The following CDYL2 variants were observed in gnomAD, a reference collection of about 807,000 sequenced individuals.
CDYL2 encodes chromodomain Y like 2.
CDYL2 carries 23 observed loss-of-function variants against 49.4 expected under a neutral mutation model. The ratio of observed to expected loss-of-function variants is 0.47; its 90% CI spans 0.34 to 0.66. The LOEUF (loss-of-function observed/expected upper bound fraction) is 0.66, where lower values mean the gene tolerates loss of function less well. Among genes scored for constraint, CDYL2 ranks in the 30% least tolerant of loss-of-function variants. The pLI is 0.01. For synonymous variants in CDYL2, 360 were observed against 268.8 expected, an observed-to-expected ratio of 1.34 and a Z score of -3.32; for missense variants, 678 against 656.4, an observed-to-expected ratio of 1.03 and a Z score of -0.36.
chr16:80,639,431 A>G (rs537781387), intron 2 of CDYL2, among the ~76,000 whole-genome samples: 2 of 152,374 alleles, frequency 1.3e-5, no homozygotes, highest in Non-Finnish European at 2.9e-5. Context: ...TCAAAGCACC[A>G]AAAATTGGAA....
At chr16:80,736,434 CA>C (rs1324606230) in intron 1 of CDYL2, 1 of 152,172 alleles carries the variant, frequency 6.6e-6, no homozygotes, top group African/African-American at 2.4e-5. Flanking sequence ...CCCTTATGTG[CA>C]ACATGACAGT....
chr16:80,748,442 G>C (rs1906010628), intron 1 of CDYL2, among the ~76,000 whole-genome samples: 1 of 144,818 alleles, frequency 6.9e-6, no homozygotes, highest in African/African-American at 2.6e-5. Context: ...CAGGAGAATG[G>C]CGTGAACCTG....
chr16:80,649,470 C>T (rs1008073214), intron 2 of CDYL2, among the ~76,000 whole-genome samples: 2 of 151,822 alleles, frequency 1.3e-5, no homozygotes, highest in East Asian at 1.9e-4. Flanking sequence ...AAAACACTGA[C>T]GAAAGAAATT....
At chr16:80,718,130 C>G (rs1904874785) in intron 1 of CDYL2, among the ~76,000 whole-genome samples, 1 of 152,196 alleles carries the variant, frequency 6.6e-6, no homozygotes. Flanking sequence ...ATGACCAAGG[C>G]AAGAACAAAA....
intron 2 of CDYL2, among the ~76,000 whole-genome samples, chr16:80,673,883 G>C (rs567511366): frequency 5.9e-5 from 9 of 152,294 alleles, no homozygotes; most frequent in African/African-American, 1.9e-4. Context: ...AGGGGGCTTG[G>C]AGTCAAGAGA....
intron 1 of CDYL2, among the ~76,000 whole-genome samples, chr16:80,688,534 C>A (rs1171697215): frequency 6.6e-6 from 1 of 152,184 alleles, no homozygotes; most frequent in Non-Finnish European, 1.5e-5. Context: ...CATTGTTTCA[C>A]CCCCAATTTA....
intron 1 of CDYL2, among the ~76,000 whole-genome samples, chr16:80,688,941 C>T (rs1444549444): frequency 6.6e-6 from 1 of 152,110 alleles, no homozygotes; most frequent in African/African-American, 2.4e-5. Flanking sequence ...GAGCTGGTAC[C>T]CCTGGTCCTG....
At chr16:80,712,352 A>G (rs750816939) in intron 1 of CDYL2, among the ~76,000 whole-genome samples, 2 of 151,866 alleles carry the variant, frequency 1.3e-5, no homozygotes, top group South Asian at 2.1e-4. Flanking sequence ...AGTGCAAACT[A>G]TCCCTGCCTG....
chr16:80,800,304 T>A (rs1907887172), intron 1 of CDYL2, among the ~76,000 whole-genome samples: 1 of 152,148 alleles, frequency 6.6e-6, no homozygotes, highest in South Asian at 2.1e-4. Flanking sequence ...TTAATTTCAA[T>A]AAAATCGTCT....
chr16:80,684,488 C>T (rs765125916), intron 2 of CDYL2, 50 bp downstream of exon 2: 1 of 1,544,736 alleles, frequency 6.5e-7, no homozygotes, highest in Non-Finnish European at 8.8e-7. Flanking sequence ...GGCAGAGCTC[C>T]CCTTTCGCCA....
intron 1 of CDYL2, among the ~76,000 whole-genome samples, chr16:80,719,072 G>A (rs889450839): frequency 2.6e-5 from 4 of 152,180 alleles, no homozygotes; most frequent in African/African-American, 4.8e-5. Flanking sequence ...GGACTCCTTG[G>A]AAGCGAACAT....
intron 1 of CDYL2, among the ~76,000 whole-genome samples, chr16:80,725,279 A>C (rs895236611): frequency 4.6e-5 from 7 of 152,170 alleles, no homozygotes; most frequent in African/African-American, 1.4e-4. Context: ...ACTTCCTTGG[A>C]GCATCTTCCC....
At chr16:80,751,190 C>T (rs1365030625) in intron 1 of CDYL2, among the ~76,000 whole-genome samples, 2 of 152,170 alleles carry the variant, frequency 1.3e-5, no homozygotes, top group South Asian at 4.1e-4. Flanking sequence ...TTTAGACCTC[C>T]ACTTCCGGCC....
At chr16:80,666,585 C>T (rs2142443711) in intron 2 of CDYL2, among the ~76,000 whole-genome samples, 1 of 152,258 alleles carries the variant, frequency 6.6e-6, no homozygotes, top group South Asian at 2.1e-4. Flanking sequence ...ATGGCGACAA[C>T]AATCACCAGA....
chr16:80,708,489 T>C (rs1567579545), intron 1 of CDYL2, among the ~76,000 whole-genome samples: 2 of 152,154 alleles, frequency 1.3e-5, no homozygotes, highest in Non-Finnish European at 2.9e-5. Context: ...CTTTTAGAAA[T>C]TACCCAGTCT....
chr16:80,689,975 G>C (rs139905964), intron 1 of CDYL2, among the ~76,000 whole-genome samples: 1,856 of 152,028 alleles, frequency 0.012, 36 homozygotes, highest in African/African-American at 0.041. Flanking sequence ...ACAAAAATTA[G>C]CTGGGCGTGG....
chr16:80,634,792 G>C (rs1337726069), intron 2 of CDYL2, among the ~76,000 whole-genome samples: 2 of 151,936 alleles, frequency 1.3e-5, no homozygotes, highest in Non-Finnish European at 2.9e-5. Context: ...CATCTGAATA[G>C]GGCTATAAAA....
chr16:80,680,833 C>T (rs866972731), intron 2 of CDYL2, among the ~76,000 whole-genome samples: 8 of 152,106 alleles, frequency 5.3e-5, no homozygotes, highest in African/African-American at 2.4e-5. Context: ...CATGAACGTG[C>T]AGAACCCACC....
chr16:80,702,686 G>T (rs1304813496), intron 1 of CDYL2, among the ~76,000 whole-genome samples: 2 of 152,188 alleles, frequency 1.3e-5, no homozygotes, highest in Admixed American at 1.3e-4. Flanking sequence ...GGAAGGCAAG[G>T]TTGCAGTGGG....
Sources: gnomAD v4.1 joint callset for allele counts (sites outside exome capture counted in the v4.1 genomes callset) on GRCh38, gnomAD v4.1.1 for gene constraint, MANE v1.5 for transcripts, NCBI Gene and HGNC (gene_info 2026-07-23, HGNC 2026-07-21) for gene names.